The following CA10 variants were observed in gnomAD, a reference collection of about 807,000 sequenced individuals.
The protein encoded by CA10 is carbonic anhydrase-related protein 10.
A neutral mutation model predicts 44.2 loss-of-function variants in CA10; 14 were observed. The observed-to-expected ratio is 0.32, with a 90% CI of 0.21 to 0.50. The LOEUF (loss-of-function observed/expected upper bound fraction) is 0.50, where lower values mean the gene tolerates loss of function less well. Among genes scored for constraint, CA10 ranks in the 20% least tolerant of loss-of-function variants. CA10 has a pLI of 0.99. For missense variants in CA10, 350 were observed against 409.7 expected (o/e 0.85, Z 1.26); for synonymous variants, 159 against 141.6 (o/e 1.12, Z -0.87).
intron 3 of CA10, among the ~76,000 whole-genome samples, chr17:51,760,788 A>G (rs949588733): frequency 1.3e-5 from 2 of 152,220 alleles, no homozygotes; most frequent in African/African-American, 4.8e-5. Context: ...TGTAATTTTT[A>G]AATTTTCTAG....
chr17:52,108,472 G>A (rs1241146445), intron 1 of CA10, among the ~76,000 whole-genome samples: 1 of 151,388 alleles, frequency 6.6e-6, no homozygotes, highest in Non-Finnish European at 1.5e-5. Flanking sequence ...GCCAAGGCAG[G>A]CGAATCACGA....
chr17:51,932,900 CTACT>C (rs1322677987), intron 2 of CA10, among the ~76,000 whole-genome samples: 3 of 9,454 alleles, frequency 3.2e-4, no homozygotes, highest in African/African-American at 8.4e-4. Context: ...CTTTTCTAAA[CTACT>C]TTTTTTTAAA....
chr17:51,808,455 A>C (rs1907220624), intron 3 of CA10, among the ~76,000 whole-genome samples: 1 of 152,170 alleles, frequency 6.6e-6, no homozygotes, highest in Admixed American at 6.5e-5. Context: ...CCCATCCAAA[A>C]GTTCTACAGG....
chr17:51,934,856 C>T (rs1312060435), intron 2 of CA10, among the ~76,000 whole-genome samples: 1 of 152,120 alleles, frequency 6.6e-6, no homozygotes, highest in East Asian at 1.9e-4. Flanking sequence ...CTAGGGAACT[C>T]AAGTGCCGAA....
chr17:51,825,424 A>C (rs912053729), intron 3 of CA10, among the ~76,000 whole-genome samples: 2 of 152,124 alleles, frequency 1.3e-5, no homozygotes, highest in Non-Finnish European at 2.9e-5. Flanking sequence ...ATGTAATCCC[A>C]TAAGAACCCT....
At chr17:52,118,309 C>T (rs1233837511) in intron 1 of CA10, among the ~76,000 whole-genome samples, 2 of 152,150 alleles carry the variant, frequency 1.3e-5, no homozygotes, top group Non-Finnish European at 2.9e-5. Flanking sequence ...AAAGAAAGAG[C>T]AGACAAGAGA....
intron 3 of CA10, among the ~76,000 whole-genome samples, chr17:51,905,763 C>A (rs1233823991): frequency 6.6e-6 from 1 of 152,080 alleles, no homozygotes; most frequent in Non-Finnish European, 1.5e-5. Context: ...CTCACGCTCC[C>A]ACATTCAGGG....
intron 3 of CA10, among the ~76,000 whole-genome samples, chr17:51,853,680 C>T (rs1313121508): frequency 6.6e-6 from 1 of 152,176 alleles, no homozygotes; most frequent in Non-Finnish European, 1.5e-5. Flanking sequence ...CAAATCTCAT[C>T]TCAAATTGTA....
At chr17:51,832,923 T>C (rs1908335624) in intron 3 of CA10, among the ~76,000 whole-genome samples, 2 of 152,184 alleles carry the variant, frequency 1.3e-5, no homozygotes, top group African/African-American at 2.4e-5. Context: ...AGGTGATCCA[T>C]GCTTCAAATG....
At chr17:52,092,050 T>C (rs1988280486) in intron 1 of CA10, among the ~76,000 whole-genome samples, 1 of 152,154 alleles carries the variant, frequency 6.6e-6, no homozygotes, top group African/African-American at 2.4e-5. Context: ...TAAAACAACC[T>C]GTCTTTCTCT....
intron 3 of CA10, among the ~76,000 whole-genome samples, chr17:51,774,415 G>T (rs1246495360): frequency 2.0e-5 from 3 of 151,448 alleles, no homozygotes; most frequent in Non-Finnish European, 4.4e-5. Context: ...TGGTGGGAGG[G>T]GTGAGTGGAA....
intron 3 of CA10, among the ~76,000 whole-genome samples, chr17:51,814,857 A>G (rs556902708): frequency 1.3e-5 from 2 of 152,302 alleles, no homozygotes; most frequent in African/African-American, 2.4e-5. Context: ...CTTGTTGCCA[A>G]TGAAATGCTA....
intron 6 of CA10, among the ~76,000 whole-genome samples, chr17:51,641,441 T>C (rs1054779552): frequency 1.3e-5 from 2 of 152,210 alleles, no homozygotes; most frequent in East Asian, 3.9e-4. Flanking sequence ...GCCAAATTTA[T>C]CTTAGGTAGG....
At chr17:51,984,812 A>G (rs1164145127) in intron 2 of CA10, among the ~76,000 whole-genome samples, 3 of 151,990 alleles carry the variant, frequency 2.0e-5, no homozygotes, top group Non-Finnish European at 1.5e-5. Context: ...TTAAATCAGG[A>G]AGAATTAGAT....
At chr17:52,132,137 A>G (rs1336869434) in intron 1 of CA10, among the ~76,000 whole-genome samples, 2 of 152,128 alleles carry the variant, frequency 1.3e-5, no homozygotes, top group Non-Finnish European at 2.9e-5. Context: ...TACATAGGGC[A>G]CATTATGTAC....
At chr17:51,716,056 T>G (rs548886934) in intron 4 of CA10, among the ~76,000 whole-genome samples, 2 of 152,104 alleles carry the variant, frequency 1.3e-5, no homozygotes, top group South Asian at 4.2e-4. Flanking sequence ...AGCCCCCTAC[T>G]ACCCTTCCCA....
At chr17:51,659,332 C>T (rs1381422257) in intron 4 of CA10, among the ~76,000 whole-genome samples, 1 of 152,144 alleles carries the variant, frequency 6.6e-6, no homozygotes, top group Admixed American at 6.5e-5. Context: ...CCACCTCTCT[C>T]CCTGTGGTTT....
chr17:52,108,194 T>TTTA (rs1988705947), intron 1 of CA10, among the ~76,000 whole-genome samples: 6 of 58,038 alleles, frequency 1.0e-4, no homozygotes, highest in Admixed American at 5.8e-4. Context: ...TATATATTTT[T>TTTA]TATATATATA....
rs77800231 is a variant in CA10, at chr17:51,875,728, A to T, written c.279+55262T>A. Among the ~76,000 whole-genome samples, 631 of 152,142 alleles carry T rather than the reference A, an allele frequency of 4.1e-3. 6 individuals carry two copies. Among genetic ancestry groups the T allele is most frequent in the African/African-American group, 0.015 (614 of 41,482 alleles). On this transcript the variant is annotated intron_variant, in intron 3 of 8. Transcript: ENST00000451037. The stretch of plus-strand genomic sequence containing the variant: ...GTTAAATGAGTTTTAGTACATGTGG[A>T]TTATTGTAGCCACTGCCAAAATCAG...
Sources: allele counts gnomAD v4.1 joint callset (sites outside exome capture counted in the v4.1 genomes callset), GRCh38; gene constraint gnomAD v4.1.1; transcripts MANE v1.5; gene names NCBI Gene and HGNC (gene_info 2026-07-23, HGNC 2026-07-21).